The following MYO1E variants were observed in gnomAD, a reference collection of about 807,000 sequenced individuals.
The protein encoded by MYO1E is unconventional myosin-Ie.
MYO1E carries 68 observed loss-of-function variants against 151.1 expected under a neutral mutation model. That is an observed-to-expected ratio of 0.45 (90% CI 0.37 to 0.55). The LOEUF (loss-of-function observed/expected upper bound fraction) is 0.55, where lower values mean the gene tolerates loss of function less well. MYO1E is among the 20% of genes least tolerant of loss of function. MYO1E has a pLI of 0.00. For synonymous variants in MYO1E, 601 were observed against 501.7 expected (o/e 1.20, Z -2.64); for missense variants, 1,363 against 1,389.3 (o/e 0.98, Z 0.30).
At chr15:59,354,210 TA>T (rs1382950610) in intron 1 of MYO1E, among the ~76,000 whole-genome samples, 3 of 152,182 alleles carry the variant, frequency 2.0e-5, no homozygotes, top group Admixed American at 6.5e-5. Flanking sequence ...ACAAAACAAT[TA>T]AGCCATTAGC....
chr15:59,285,350 CTTTTTTTTTTTTTTT>C (rs368001329), intron 1 of MYO1E, among the ~76,000 whole-genome samples: 1 of 74,054 alleles, frequency 1.4e-5, no homozygotes, highest in African/African-American at 5.3e-5. Context: ...GACACTGTCT[CTTTTTTTTTTTTTTT>C]TTTTTTTTTT....
At chr15:59,298,713 T>A (rs2140402172) in intron 1 of MYO1E, among the ~76,000 whole-genome samples, 1 of 152,280 alleles carries the variant, frequency 6.6e-6, no homozygotes, top group Admixed American at 6.5e-5. Context: ...ATCGCTTAAA[T>A]CCAGGTGAGG....
intron 17 of MYO1E, among the ~76,000 whole-genome samples, chr15:59,193,361 G>A (rs1228087889): frequency 1.3e-5 from 2 of 152,222 alleles, no homozygotes; most frequent in African/African-American, 4.8e-5. Flanking sequence ...GAGTGCAGTG[G>A]CTCAATCATG....
At chr15:59,192,070 A>G (rs2079737697) in intron 17 of MYO1E, among the ~76,000 whole-genome samples, 3 of 152,204 alleles carry the variant, frequency 2.0e-5, no homozygotes, top group Non-Finnish European at 4.4e-5. Flanking sequence ...AATCCCAGCC[A>G]GTGAAGCACA....
At chr15:59,237,651 C>T (rs1310446733) in intron 4 of MYO1E, among the ~76,000 whole-genome samples, 1 of 152,166 alleles carries the variant, frequency 6.6e-6, no homozygotes, top group Non-Finnish European at 1.5e-5. Context: ...GTTCGCGCTT[C>T]GCGATAAAAA....
chr15:59,343,489 T>C (rs1287843880), intron 1 of MYO1E, among the ~76,000 whole-genome samples: 1 of 152,160 alleles, frequency 6.6e-6, no homozygotes, highest in African/African-American at 2.4e-5. Flanking sequence ...TTGAGGTAAT[T>C]TCCTTTTAGT....
intron 3 of MYO1E, 56 bp downstream of exon 3, chr15:59,261,364 T>C (rs2080223517): frequency 7.9e-7 from 1 of 1,269,454 alleles, no homozygotes; most frequent in Non-Finnish European, 1.2e-6. Context: ...AGAAAAACCA[T>C]GTCTGCATCA....
chr15:59,268,720 A>ATTTGTTTTTTTTTTTTTTTTTTTTTTT (rs2080271356), intron 2 of MYO1E, among the ~76,000 whole-genome samples: 2 of 44,906 alleles, frequency 4.5e-5, no homozygotes, highest in Non-Finnish European at 9.8e-5. Context: ...TGACTTTGGT[A>ATTTGTTTTTTTTTTTTTTTTTTTTTTT]TTTTTTTTTT....
chr15:59,223,547 TAC>T (rs773812305), intron 8 of MYO1E, among the ~76,000 whole-genome samples: 232 of 152,302 alleles, frequency 1.5e-3, no homozygotes, highest in Non-Finnish European at 2.9e-3. Context: ...GTGGTAGTTG[TAC>T]ACAAAGTCTC....
At chr15:59,297,048 T>G (rs2080454159) in intron 1 of MYO1E, among the ~76,000 whole-genome samples, 2 of 97,476 alleles carry the variant, frequency 2.1e-5, no homozygotes, top group Non-Finnish European at 4.7e-5. Flanking sequence ...GAGACAGAGT[T>G]TCACTGTGTT....
In MYO1E at chr15:59,223,406, A is replaced by G. The variant is rs73422969; in HGVS notation, c.778-215T>C. Among the ~76,000 whole-genome samples the G allele has an allele frequency of 0.014, 2,151 of 152,208 alleles. 41 individuals carry two copies. The highest frequency in any genetic ancestry group is 0.05 in the African/African-American group (2,057 of 41,512). ...TGACAGCAGGACGTTCTTGTACAAC[A>G]TGGTCACTGCCCAATGCACACATTC... is the stretch of plus-strand genomic sequence containing the variant. On this transcript the variant is annotated intron_variant, in intron 8 of 27. Transcript: ENST00000288235.
chr15:59,275,335 T>G (rs1248329218), intron 1 of MYO1E, among the ~76,000 whole-genome samples: 1 of 152,202 alleles, frequency 6.6e-6, no homozygotes, highest in Non-Finnish European at 1.5e-5. Flanking sequence ...TATTTTTGAT[T>G]TGATACGTTT....
At chr15:59,145,960 C>G (rs372533065) in intron 26 of MYO1E, among the ~76,000 whole-genome samples, 1 of 152,192 alleles carries the variant, frequency 6.6e-6, no homozygotes, top group Non-Finnish European at 1.5e-5. Context: ...GCTGCCCTCA[C>G]GACAGCACAG....
chr15:59,163,210 TG>T lies in MYO1E; in HGVS notation c.2573del (p.Ala858GlufsTer14). The T allele has an allele frequency of 6.2e-7, 1 of 1,614,174 alleles. No individual in the cohort carries two copies. Reference protein sequence around the residue: ...VFKTEFLSLLAKRYEEKTQKQ... With the variant: ...VFKTEFLSLLXKRYEEKTQKQ... Reference sequence around the variant, plus strand: ...TCTGGGTCTTCTCCTCGTAACGCTTTGCTAAGAGGCTTAGGAATTCAGTTTT... The same window carrying T: ...TCTGGGTCTTCTCCTCGTAACGCTTTCTAAGAGGCTTAGGAATTCAGTTTT... On this transcript the variant is annotated frameshift_variant, in exon 23 of 28. Transcript: ENST00000288235. LOFTEE classifies it high-confidence loss of function.
At chr15:59,329,090 T>G (rs1414688926) in intron 1 of MYO1E, among the ~76,000 whole-genome samples, 1 of 152,198 alleles carries the variant, frequency 6.6e-6, no homozygotes, top group African/African-American at 2.4e-5. Context: ...AGAATATTAT[T>G]CATGACAACA....
chr15:59,370,360 G>A (rs989154921), intron 1 of MYO1E, among the ~76,000 whole-genome samples: 2 of 152,172 alleles, frequency 1.3e-5, no homozygotes, highest in Non-Finnish European at 2.9e-5. Context: ...CATACATAAT[G>A]AACAATTTTT....
chr15:59,353,369 A>AAGAGAAAAG (rs1555422218), intron 1 of MYO1E, among the ~76,000 whole-genome samples: 1 of 96,850 alleles, frequency 1.0e-5, no homozygotes, highest in Non-Finnish European at 1.9e-5. Flanking sequence ...AAAAAAAAAA[A>AAGAGAAAAG]AAAAGAAAAG....
At chr15:59,348,964 A>T (rs1567021692) in intron 1 of MYO1E, 1 of 152,212 alleles carries the variant, frequency 6.6e-6, no homozygotes, top group Non-Finnish European at 1.5e-5. Context: ...CAAAAGCTTA[A>T]AGGGTCTAAC....
At chr15:59,231,614 T>C (rs1223057620) in intron 6 of MYO1E, 88 bp downstream of exon 6, 4 of 1,357,076 alleles carry the variant, frequency 2.9e-6, no homozygotes, top group Non-Finnish European at 4.2e-6. Context: ...TGTGAAAGGC[T>C]CCCATTTCCT....
Sources: gnomAD v4.1 joint callset for allele counts (sites outside exome capture counted in the v4.1 genomes callset) on GRCh38, gnomAD v4.1.1 for gene constraint, MANE v1.5 for transcripts, NCBI Gene and HGNC (gene_info 2026-07-23, HGNC 2026-07-21) for gene names.